The following TAFA1 variants were observed in gnomAD, a reference collection of about 807,000 sequenced individuals.
TAFA1 encodes the protein chemokine-like protein TAFA-1.
TAFA1 carries 4 observed loss-of-function variants against 18.5 expected under a neutral mutation model. The ratio of observed to expected loss-of-function variants is 0.22; its 90% CI spans 0.11 to 0.49. The LOEUF is 0.49. TAFA1 is among the 20% of genes least tolerant of loss of function. TAFA1 has a pLI of 0.98. For synonymous variants in TAFA1, 56 were observed against 55.2 expected (o/e 1.01, Z -0.06); for missense variants, 147 against 169.0 (o/e 0.87, Z 0.72).
intron 2 of TAFA1, among the ~76,000 whole-genome samples, chr3:68,218,360 T>C (rs1042637391): frequency 2.0e-5 from 3 of 152,114 alleles, no homozygotes; most frequent in African/African-American, 7.2e-5. Context: ...TTTCTTAATA[T>C]GTAGGTTAAT....
Position 68,425,973 on chromosome 3 carries a change from G to A in TAFA1, c.259+8553G>A, listed in dbSNP as rs112114082. ...TTCCTGCCTGGTCCTTAAAGGCAATGGAATATGTGGTAACAAGCTCATACA... is the reference window on the plus strand; with the variant it reads ...TTCCTGCCTGGTCCTTAAAGGCAATAGAATATGTGGTAACAAGCTCATACA... On this transcript the variant is annotated intron_variant, in intron 3 of 4. Coordinates refer to ENST00000478136, the MANE Select transcript of TAFA1 (RefSeq NM_213609.4). 2.6e-3 allele frequency among the ~76,000 whole-genome samples: 388 copies of A among 151,880 alleles called. 2 individuals are homozygous for A. The highest frequency in any genetic ancestry group is 0.015 in the South Asian group (73 of 4,820).
At chr3:68,030,562 G>T (rs940065960) in intron 2 of TAFA1, among the ~76,000 whole-genome samples, 2 of 152,106 alleles carry the variant, frequency 1.3e-5, no homozygotes, top group African/African-American at 4.8e-5. Flanking sequence ...ATGGTTTCCA[G>T]CTTCATCCAT....
intron 2 of TAFA1, among the ~76,000 whole-genome samples, chr3:68,068,419 A>C (rs1386621259): frequency 3.3e-5 from 5 of 152,092 alleles, no homozygotes. Context: ...TTAGCTGGCT[A>C]TTTCTGCTTT....
At chr3:68,508,838 G>C (rs1402470321) in intron 3 of TAFA1, among the ~76,000 whole-genome samples, 1 of 152,012 alleles carries the variant, frequency 6.6e-6, no homozygotes, top group Non-Finnish European at 1.5e-5. Context: ...AGAGTTCATA[G>C]GGCAAGTAAG....
At chr3:68,064,429 C>A (rs1208196004) in intron 2 of TAFA1, among the ~76,000 whole-genome samples, 1 of 152,142 alleles carries the variant, frequency 6.6e-6, no homozygotes. Context: ...AATGCAGTTT[C>A]TTGTATTTAT....
intron 2 of TAFA1, among the ~76,000 whole-genome samples, chr3:68,341,317 T>G (rs1417524152): frequency 6.6e-6 from 1 of 152,144 alleles, no homozygotes. Context: ...TCTTGCTGTC[T>G]TCTTTTCATA....
chr3:68,214,555 C>T (rs2066632290), intron 2 of TAFA1, among the ~76,000 whole-genome samples: 2 of 152,064 alleles, frequency 1.3e-5, no homozygotes, highest in African/African-American at 4.8e-5. Context: ...CCAGAGTTCA[C>T]ACTCTCATGC....
intron 2 of TAFA1, among the ~76,000 whole-genome samples, chr3:68,383,990 G>A (rs1348268992): frequency 6.6e-6 from 1 of 151,530 alleles, no homozygotes; most frequent in Admixed American, 6.6e-5. Context: ...ATTTTCTGAT[G>A]GTTGTTTGTA....
intron 2 of TAFA1, among the ~76,000 whole-genome samples, chr3:68,340,576 G>C (rs2069063111): frequency 6.6e-6 from 1 of 152,134 alleles, no homozygotes. Context: ...CTGGAGTTGA[G>C]TGATGGGCAC....
intron 2 of TAFA1, among the ~76,000 whole-genome samples, chr3:68,232,526 G>T (rs755418162): frequency 2.0e-5 from 3 of 152,206 alleles, no homozygotes; most frequent in Admixed American, 1.3e-4. Flanking sequence ...TGGGGGTGCA[G>T]ATATTCAGTA....
chr3:68,460,492 G>A (rs1054357182), intron 3 of TAFA1, among the ~76,000 whole-genome samples: 3 of 152,112 alleles, frequency 2.0e-5, no homozygotes, highest in Admixed American at 6.6e-5. Context: ...ATGCTAGCAG[G>A]AACGTAACTA....
intron 2 of TAFA1, among the ~76,000 whole-genome samples, chr3:68,403,301 G>T: frequency 6.6e-6 from 1 of 152,190 alleles, no homozygotes; most frequent in East Asian, 1.9e-4. Flanking sequence ...AGACTGTATA[G>T]TACGCTTTGT....
intron 2 of TAFA1, among the ~76,000 whole-genome samples, chr3:68,081,784 C>T (rs2064904187): frequency 6.6e-6 from 1 of 152,200 alleles, no homozygotes; most frequent in African/African-American, 2.4e-5. Context: ...TTGCCCTGCC[C>T]CTAGAGGTGG....
At chr3:68,247,077 A>G (rs1234360683) in intron 2 of TAFA1, among the ~76,000 whole-genome samples, 2 of 152,138 alleles carry the variant, frequency 1.3e-5, no homozygotes. Context: ...TCGATGTATT[A>G]TTATTAATAC....
At chr3:68,374,165 G>A (rs2069765164) in intron 2 of TAFA1, among the ~76,000 whole-genome samples, 1 of 152,128 alleles carries the variant, frequency 6.6e-6, no homozygotes, top group South Asian at 2.1e-4. Context: ...CAACTCCAGT[G>A]ATTAAATGCT....
intron 2 of TAFA1, among the ~76,000 whole-genome samples, chr3:68,364,024 C>G (rs1431089947): frequency 1.3e-5 from 2 of 152,088 alleles, no homozygotes; most frequent in African/African-American, 4.8e-5. Flanking sequence ...TTAGGAATCT[C>G]AGAAATGAAG....
chr3:68,104,672 T>C (rs1281114321), intron 2 of TAFA1, among the ~76,000 whole-genome samples: 2 of 152,120 alleles, frequency 1.3e-5, no homozygotes, highest in South Asian at 2.1e-4. Flanking sequence ...TATAAATAAA[T>C]AAATAAAGTT....
At chr3:68,063,070 C>T (rs995956691) in intron 2 of TAFA1, among the ~76,000 whole-genome samples, 1 of 152,182 alleles carries the variant, frequency 6.6e-6, no homozygotes, top group Non-Finnish European at 1.5e-5. Flanking sequence ...ACAGGCTCAG[C>T]TCCAGTGGAT....
At chr3:68,380,390 TAA>T (rs1256930963) in intron 2 of TAFA1, among the ~76,000 whole-genome samples, 2 of 152,196 alleles carry the variant, frequency 1.3e-5, no homozygotes, top group East Asian at 3.9e-4. Flanking sequence ...ACCAACAGTG[TAA>T]AAGTGTTCCT....
Sources: gnomAD v4.1 joint callset for allele counts (sites outside exome capture counted in the v4.1 genomes callset) on GRCh38, gnomAD v4.1.1 for gene constraint, MANE v1.5 for transcripts, NCBI Gene and HGNC (gene_info 2026-07-23, HGNC 2026-07-21) for gene names.